NKAIN3: variants seen among roughly 807,000 people sequenced by gnomAD.
The protein encoded by NKAIN3 is sodium/potassium-transporting ATPase subunit beta-1-interacting protein 3.
In NKAIN3, 25 loss-of-function variants were observed where a neutral mutation model predicts 30.2. The ratio of observed to expected loss-of-function variants is 0.83; its 90% CI spans 0.60 to 1.16. NKAIN3 has a LOEUF of 1.16. Ranked by LOEUF, NKAIN3 falls within the 50% of genes most tolerant of loss-of-function variation. The pLI is 0.00. For missense variants in NKAIN3, 225 were observed against 254.1 expected (o/e 0.89, Z 0.78); for synonymous variants, 91 against 89.6 (o/e 1.02, Z -0.09).
chr8:62,511,425 G>A (rs1393678798), intron 1 of NKAIN3, among the ~76,000 whole-genome samples: 1 of 152,092 alleles, frequency 6.6e-6, no homozygotes, highest in African/African-American at 2.4e-5. Context: ...CAGATCCCTG[G>A]AATAGTCTTC....
intron 1 of NKAIN3, among the ~76,000 whole-genome samples, chr8:62,477,709 T>C (rs903706935): frequency 2.0e-5 from 3 of 151,546 alleles, no homozygotes; most frequent in Non-Finnish European, 2.9e-5. Flanking sequence ...AACTCAGCAG[T>C]AAAATAGAAG....
At chr8:62,468,179 T>A (rs1212594862) in intron 1 of NKAIN3, among the ~76,000 whole-genome samples, 1 of 152,182 alleles carries the variant, frequency 6.6e-6, no homozygotes, top group Admixed American at 6.5e-5. Flanking sequence ...ACTTGTTTAT[T>A]TAACACCTGA....
At chr8:62,711,395 A>T (rs1349310162) in intron 3 of NKAIN3, among the ~76,000 whole-genome samples, 2 of 152,080 alleles carry the variant, frequency 1.3e-5, no homozygotes, top group East Asian at 3.9e-4. Context: ...TGGTCATTTA[A>T]CATAATCCCA....
intron 1 of NKAIN3, among the ~76,000 whole-genome samples, chr8:62,481,467 A>G (rs1806717162): frequency 6.6e-6 from 1 of 152,098 alleles, no homozygotes; most frequent in Admixed American, 6.6e-5. Flanking sequence ...TCATACATTA[A>G]CTATCTATTT....
chr8:62,293,277 C>T (rs894436199), intron 1 of NKAIN3, among the ~76,000 whole-genome samples: 3 of 152,196 alleles, frequency 2.0e-5, no homozygotes, highest in Non-Finnish European at 2.9e-5. Flanking sequence ...CCGTTGCTGG[C>T]GAGGAGCTGC....
chr8:62,878,464 AC>A (rs1269838946), intron 4 of NKAIN3, among the ~76,000 whole-genome samples: 10 of 151,082 alleles, frequency 6.6e-5, no homozygotes, highest in African/African-American at 2.4e-4. Context: ...AAATACCTCT[AC>A]CCCCTAAGAG....
intron 1 of NKAIN3, among the ~76,000 whole-genome samples, chr8:62,526,225 A>C (rs532684649): frequency 1.1e-3 from 167 of 152,280 alleles, no homozygotes; most frequent in African/African-American, 3.9e-3. Flanking sequence ...TACACAGTAG[A>C]AATGTAAATA....
intron 3 of NKAIN3, among the ~76,000 whole-genome samples, chr8:62,701,388 A>G (rs1222987160): frequency 1.3e-5 from 2 of 152,136 alleles, no homozygotes; most frequent in Non-Finnish European, 2.9e-5. Flanking sequence ...GTAACTCTCA[A>G]TTAGAAAAAT....
At chr8:62,295,649 GA>G (rs750906209) in intron 1 of NKAIN3, among the ~76,000 whole-genome samples, 2 of 152,094 alleles carry the variant, frequency 1.3e-5, no homozygotes, top group Non-Finnish European at 1.5e-5. Context: ...TATAAAATAA[GA>G]TCACTTTATC....
At chr8:62,383,388 A>G in intron 1 of NKAIN3, 1 of 391,868 alleles carries the variant, frequency 2.6e-6, no homozygotes, top group Non-Finnish European at 5.1e-6. Context: ...AAACAAGTGG[A>G]GTAGCCTTTT....
chr8:62,407,982 C>T (rs1804127362), intron 1 of NKAIN3, among the ~76,000 whole-genome samples: 1 of 152,154 alleles, frequency 6.6e-6, no homozygotes, highest in African/African-American at 2.4e-5. Flanking sequence ...GTTATGCTCG[C>T]ACAGTTATCC....
chr8:62,600,754 A>G (rs1156930170), intron 3 of NKAIN3, among the ~76,000 whole-genome samples: 1 of 151,974 alleles, frequency 6.6e-6, no homozygotes, highest in East Asian at 1.9e-4. Flanking sequence ...TCCTCTTTTG[A>G]CTTAAATTTT....
At chr8:62,890,433 C>G (rs936342202) in intron 4 of NKAIN3, among the ~76,000 whole-genome samples, 2 of 152,222 alleles carry the variant, frequency 1.3e-5, no homozygotes, top group African/African-American at 2.4e-5. Context: ...GGATGCAGGT[C>G]ACAATTCTCT....
chr8:62,819,831 A>G (rs565255847), intron 4 of NKAIN3, among the ~76,000 whole-genome samples: 1 of 152,228 alleles, frequency 6.6e-6, no homozygotes, highest in East Asian at 1.9e-4. Flanking sequence ...TACCCAAAAG[A>G]CTGCACAATA....
At chr8:62,710,521 C>G (rs945276462) in intron 3 of NKAIN3, among the ~76,000 whole-genome samples, 1 of 152,050 alleles carries the variant, frequency 6.6e-6, no homozygotes, top group Non-Finnish European at 1.5e-5. Context: ...TTTGTTTTAC[C>G]TAATATAAGA....
intron 1 of NKAIN3, among the ~76,000 whole-genome samples, chr8:62,524,626 A>G (rs568822007): frequency 4.0e-4 from 61 of 152,234 alleles, no homozygotes; most frequent in African/African-American, 1.3e-3. Context: ...CCCTCATGGC[A>G]TTCTTCAATT....
At chr8:62,783,231 T>G (rs1429206944) in intron 4 of NKAIN3, among the ~76,000 whole-genome samples, 3 of 152,122 alleles carry the variant, frequency 2.0e-5, no homozygotes. Flanking sequence ...GGGTTTTTAG[T>G]AAGGGATTAA....
chr8:62,795,302 T>G (rs1817826368), intron 4 of NKAIN3, among the ~76,000 whole-genome samples: 1 of 152,184 alleles, frequency 6.6e-6, no homozygotes, highest in Non-Finnish European at 1.5e-5. Context: ...ACATTTATAA[T>G]TGAAATAAAT....
At chr8:62,691,157 C>G (rs1277828210) in intron 3 of NKAIN3, among the ~76,000 whole-genome samples, 2 of 152,146 alleles carry the variant, frequency 1.3e-5, no homozygotes, top group African/African-American at 4.8e-5. Flanking sequence ...GTTCTTGAAG[C>G]TAAGTAGCAG....
Sources: allele counts gnomAD v4.1 joint callset (sites outside exome capture counted in the v4.1 genomes callset), GRCh38; gene constraint gnomAD v4.1.1; transcripts MANE v1.5; gene names NCBI Gene and HGNC (gene_info 2026-07-23, HGNC 2026-07-21).